Variants in RRP15 observed in about 807,000 individuals in gnomAD.
RRP15 encodes the protein ribosomal RNA processing 15 homolog, also known as RRP15-like protein.
In RRP15, 18 loss-of-function variants were observed where a neutral mutation model predicts 27.1. The observed-to-expected ratio is 0.66, with a 90% CI of 0.46 to 0.98. RRP15 has a LOEUF of 0.98. RRP15 is among the 50% of genes least tolerant of loss of function. RRP15 has a pLI of 0.00. For missense variants in RRP15, 359 were observed against 337.8 expected, an observed-to-expected ratio of 1.06 and a Z score of -0.49; for synonymous variants, 107 against 109.4, an observed-to-expected ratio of 0.98 and a Z score of 0.14.
At chr1:218,304,500 C>G (rs1456970164) in intron 2 of RRP15, among the ~76,000 whole-genome samples, 2 of 152,154 alleles carry the variant, frequency 1.3e-5, no homozygotes, top group African/African-American at 4.8e-5. Context: ...GTCAGATATG[C>G]TACGAGAGGA....
At chr1:218,291,841 A>C (rs1284557077) in intron 1 of RRP15, among the ~76,000 whole-genome samples, 116 of 125,224 alleles carry the variant, frequency 9.3e-4, no homozygotes, top group South Asian at 1.3e-3. Context: ...CCCACTCCCC[A>C]CCCCCTTTTT....
chr1:218,291,967 A>G (rs1020583630), intron 1 of RRP15, among the ~76,000 whole-genome samples: 1 of 152,068 alleles, frequency 6.6e-6, no homozygotes, highest in African/African-American at 2.4e-5. Context: ...CCTCCAAAGT[A>G]GCTAGGACCA....
intron 1 of RRP15, among the ~76,000 whole-genome samples, chr1:218,299,174 A>G (rs1655771482): frequency 6.6e-6 from 1 of 152,140 alleles, no homozygotes; most frequent in South Asian, 2.1e-4. Context: ...GGGAGACTTC[A>G]TTACTTTGGC....
intron 1 of RRP15, 43 bp downstream of exon 1, chr1:218,285,498 G>C: frequency 6.2e-7 from 1 of 1,610,534 alleles, no homozygotes; most frequent in South Asian, 1.1e-5. Flanking sequence ...GAGGAAAGGC[G>C]GGGCTGAGTT....
intron 4 of RRP15, among the ~76,000 whole-genome samples, chr1:218,325,794 C>T (rs1273826924): frequency 1.3e-5 from 2 of 152,096 alleles, no homozygotes; most frequent in Non-Finnish European, 2.9e-5. Context: ...CATTTTTTCT[C>T]TGTCTGTAGA....
rs1656469261 is a variant in RRP15 at position 218,337,605 on chromosome 1, G to A, written c.*6514G>A. The A allele has an allele frequency of 6.6e-6, 1 of 152,090 alleles. No homozygotes were observed. Among genetic ancestry groups the A allele is most frequent in the Admixed American group, 6.6e-5 (1 of 15,244 alleles). 9.4% of individuals were successfully genotyped at this position (152,090 alleles called of 1,614,324 possible). On this transcript the variant is annotated 3_prime_UTR_variant, in exon 5 of 5. Coordinates refer to ENST00000366932, the MANE Select transcript of RRP15 (RefSeq NM_016052.4). ...TATGGATAGTATAAGTTTCTTAAAT[G>A]CCAACAATGCATGAGGTGAATAGAA...
At chr1:218,287,059 C>T (rs1434432911) in intron 1 of RRP15, among the ~76,000 whole-genome samples, 3 of 151,966 alleles carry the variant, frequency 2.0e-5, no homozygotes, top group African/African-American at 7.3e-5. Context: ...CCCACCGCCC[C>T]CCAAAGCGAT....
Position 218,331,161 on chromosome 1 carries a change from G to C in RRP15, c.*70G>C. The C allele has an allele frequency of 6.9e-7, 1 of 1,443,176 alleles. No individual in the cohort carries two copies. Among genetic ancestry groups the C allele is most frequent in the South Asian group, 1.4e-5 (1 of 71,692 alleles). 89.4% of individuals were successfully genotyped at this position (1,443,176 alleles called of 1,614,324 possible). A position where few individuals can be genotyped will look rare whatever the true frequency, so the allele number is the denominator to read the frequency against. On this transcript the variant is annotated 3_prime_UTR_variant, in exon 5 of 5. Transcript: ENST00000366932. ...AAAATATGTCATCCTCTGATAGTTG[G>C]GGAATTATAAGGATACCATTTGTAA...
intron 1 of RRP15, among the ~76,000 whole-genome samples, chr1:218,287,784 T>A (rs1345146716): frequency 6.6e-6 from 1 of 152,220 alleles, no homozygotes; most frequent in Non-Finnish European, 1.5e-5. Context: ...GTTCCCCAAA[T>A]GTCAAAAGTA....
At chr1:218,319,188 C>T (rs1297612842) in intron 4 of RRP15, among the ~76,000 whole-genome samples, 1 of 151,910 alleles carries the variant, frequency 6.6e-6, no homozygotes, top group Non-Finnish European at 1.5e-5. Flanking sequence ...CCTCAGCCTC[C>T]TGAGTAGCTG....
intron 4 of RRP15, among the ~76,000 whole-genome samples, chr1:218,326,253 C>CCAAG (rs1187711443): frequency 2.4e-4 from 36 of 152,238 alleles, no homozygotes; most frequent in African/African-American, 8.7e-4. Flanking sequence ...TTGCAGTGAG[C>CCAAG]CAAGAATGCA....
chr1:218,296,010 A>C (rs1260107238), intron 1 of RRP15, among the ~76,000 whole-genome samples: 1 of 152,182 alleles, frequency 6.6e-6, no homozygotes, highest in Non-Finnish European at 1.5e-5. Flanking sequence ...GATGATTTAC[A>C]GCTGAATGGG....
intron 1 of RRP15, among the ~76,000 whole-genome samples, chr1:218,299,656 TA>T (rs1246881426): frequency 4.6e-5 from 7 of 152,192 alleles, no homozygotes; most frequent in African/African-American, 9.7e-5. Flanking sequence ...ATCACCAAGA[TA>T]TTTTTTTATT....
Position 218,331,233 on chromosome 1 carries a change from T to A in RRP15, c.*142T>A. ...AGATTTCATATTTCCCCTTTTCATG[T>A]ACACTTTATATATACTTCATTAAAA... is the stretch of plus-strand genomic sequence containing the variant. On this transcript the variant is annotated 3_prime_UTR_variant, in exon 5 of 5. Coordinates refer to ENST00000366932, the MANE Select transcript of RRP15 (RefSeq NM_016052.4). 1 of 643,018 alleles carries A rather than the reference T, an allele frequency of 1.6e-6. No homozygotes were observed. The highest frequency in any genetic ancestry group is 2.6e-6 in the Non-Finnish European group (1 of 384,620). 39.8% of individuals were successfully genotyped at this position (643,018 alleles called of 1,614,324 possible). A position where few individuals can be genotyped will look rare whatever the true frequency, so the allele number is the denominator to read the frequency against.
At chr1:218,298,421 A>G (rs1655756359) in intron 1 of RRP15, among the ~76,000 whole-genome samples, 1 of 152,150 alleles carries the variant, frequency 6.6e-6, no homozygotes, top group East Asian at 1.9e-4. Context: ...AAGGAGAGAA[A>G]CCTAGATTTA....
chr1:218,285,550 C>T (rs1199453562), intron 1 of RRP15, 95 bp downstream of exon 1: 14 of 1,546,896 alleles, frequency 9.1e-6, no homozygotes, highest in Non-Finnish European at 1.1e-5. Context: ...TGCTAGCCAC[C>T]TGGGTTTTAT....
intron 1 of RRP15, among the ~76,000 whole-genome samples, chr1:218,297,722 G>T (rs1423149899): frequency 1.3e-5 from 2 of 151,976 alleles, no homozygotes; most frequent in East Asian, 3.9e-4. Context: ...ACTTTCAGGT[G>T]GTATTTACAT....
At position 218,336,342 on chromosome 1, in the gene RRP15, A is replaced by G. The variant is rs1046135177; in HGVS notation, c.*5251A>G. On this transcript the variant is annotated 3_prime_UTR_variant, in exon 5 of 5. Transcript: ENST00000366932. ...ATGATGAGGTGTTAACCACATTTGT[A>G]TAAATAATAGTTTCTCTAACCCTGA... The G allele has an allele frequency of 6.6e-6, 1 of 152,656 alleles. No individual in the cohort carries two copies. The highest frequency in any genetic ancestry group is 2.4e-5 in the African/African-American group (1 of 41,456). 9.5% of individuals were successfully genotyped at this position (152,656 alleles called of 1,614,324 possible).
intron 4 of RRP15, among the ~76,000 whole-genome samples, chr1:218,328,545 C>T (rs1656312926): frequency 6.6e-6 from 1 of 152,040 alleles, no homozygotes; most frequent in African/African-American, 2.4e-5. Context: ...TGCCTATAGT[C>T]CCAGCTACTC....
Sources: allele counts gnomAD v4.1 joint callset (sites outside exome capture counted in the v4.1 genomes callset), GRCh38; gene constraint gnomAD v4.1.1; transcripts MANE v1.5; gene names NCBI Gene and HGNC (gene_info 2026-07-23, HGNC 2026-07-21).